Variants in TBL1XR1 observed in about 807,000 individuals in gnomAD.
The protein encoded by TBL1XR1 is F-box-like/WD repeat-containing protein TBL1XR1.
TBL1XR1 carries 5 observed loss-of-function variants against 66.9 expected under a neutral mutation model. That is an observed-to-expected ratio of 0.07 (90% CI 0.04 to 0.16). TBL1XR1 has a LOEUF of 0.16. TBL1XR1 is among the 10% of genes least tolerant of loss of function. The pLI is 1.00. For missense variants in TBL1XR1, 238 were observed against 623.2 expected (o/e 0.38, Z 6.58); for synonymous variants, 210 against 206.0 (o/e 1.02, Z -0.17).
intron 1 of TBL1XR1, chr3:177,136,227 CAGTCCAAA>C (rs890095799): frequency 6.6e-6 from 1 of 152,134 alleles, no homozygotes. Flanking sequence ...CTGTGAATCA[CAGTCCAAA>C]AGTCCAAAAG....
intron 15 of TBL1XR1, chr3:177,025,882 C>CTT: frequency 3.4e-6 from 1 of 295,154 alleles, no homozygotes; most frequent in Admixed American, 5.1e-5. Context: ...AATAGCTACC[C>CTT]TTTTCCCACC....
chr3:177,075,935 T>C (rs1193016815), intron 2 of TBL1XR1, among the ~76,000 whole-genome samples: 1 of 152,188 alleles, frequency 6.6e-6, no homozygotes, highest in African/African-American at 2.4e-5. Context: ...CCTAGCTTCC[T>C]TGGTGTCTTA....
intron 1 of TBL1XR1, among the ~76,000 whole-genome samples, chr3:177,135,334 TATA>T (rs1560214003): frequency 0.014 from 686 of 49,952 alleles, 54 homozygotes; most frequent in African/African-American, 0.046. Flanking sequence ...TGTGTGTGTG[TATA>T]CATATATATA....
rs1346937527 is a variant in TBL1XR1 at position 177,022,663 on chromosome 3, C to G, written c.*2835G>C. 6.6e-6 allele frequency: 1 copy of G among 152,420 alleles called. No individual in the cohort carries two copies. Among genetic ancestry groups the G allele is most frequent in the Non-Finnish European group, 1.5e-5 (1 of 67,938 alleles). The allele number at this position is 152,420 out of a possible 1,614,324, so 9.4% of individuals were successfully genotyped here. A position where few individuals can be genotyped will look rare whatever the true frequency, so the allele number is the denominator to read the frequency against. ...AAAACTACTGGATTCAATTGATCAT[C>G]AGGAATAAGTTCTCAGAAAAACACA... On this transcript the variant is annotated 3_prime_UTR_variant, in exon 16 of 16. Coordinates refer to ENST00000457928, the MANE Select transcript of TBL1XR1 (RefSeq NM_024665.7).
intron 14 of TBL1XR1, chr3:177,026,968 G>C (rs1713220545): frequency 1.3e-5 from 2 of 152,308 alleles, no homozygotes. Flanking sequence ...CTAAGCTAGG[G>C]GATTATAAAA....
chr3:177,181,332 T>C (rs1350122894), intron 1 of TBL1XR1, among the ~76,000 whole-genome samples: 2 of 151,768 alleles, frequency 1.3e-5, no homozygotes, highest in East Asian at 1.9e-4. Context: ...ATACAAAAAT[T>C]AGCCAGGTGT....
At chr3:177,163,991 C>T (rs1732525917) in intron 1 of TBL1XR1, 1 of 152,104 alleles carries the variant, frequency 6.6e-6, no homozygotes, top group South Asian at 2.1e-4. Context: ...AAATATATTC[C>T]CAATACGTTC....
chr3:177,099,821 AGTTATATAGGGCTACTT>A (rs1461802203), intron 1 of TBL1XR1, among the ~76,000 whole-genome samples: 2 of 152,280 alleles, frequency 1.3e-5, no homozygotes, highest in African/African-American at 4.8e-5. Context: ...TTTGAGCTAA[AGTTATATAGGGCTACTT>A]GTTATCTAAA....
chr3:177,129,817 C>G (rs775925537), intron 1 of TBL1XR1, among the ~76,000 whole-genome samples: 1 of 152,098 alleles, frequency 6.6e-6, no homozygotes, highest in Non-Finnish European at 1.5e-5. Flanking sequence ...TAACTACAAC[C>G]TCCATGAAGA....
intron 2 of TBL1XR1, among the ~76,000 whole-genome samples, chr3:177,094,981 A>T (rs1723281810): frequency 6.6e-6 from 1 of 151,172 alleles, no homozygotes; most frequent in Non-Finnish European, 1.5e-5. Context: ...ATAAAAAAAG[A>T]ATAAAAAAAT....
At chr3:177,164,848 A>G (rs1732638056) in intron 1 of TBL1XR1, among the ~76,000 whole-genome samples, 1 of 152,204 alleles carries the variant, frequency 6.6e-6, no homozygotes, top group Non-Finnish European at 1.5e-5. Flanking sequence ...ATTATGAACT[A>G]CAAGACTATG....
rs562142693 is a variant in TBL1XR1, at chr3:177,174,593, T to C, written c.-122+22528A>G. Reference sequence around the variant, plus strand: ...CTGTTCCCCAGAAAAAGAGGAGCAGTAGCAAGCCAGAAAGGAGACCCGGAT... The same window carrying C: ...CTGTTCCCCAGAAAAAGAGGAGCAGCAGCAAGCCAGAAAGGAGACCCGGAT... On this transcript the variant is annotated intron_variant, in intron 1 of 15. Transcript: ENST00000457928. 6.8e-4 allele frequency among the ~76,000 whole-genome samples: 103 copies of C among 152,200 alleles called. 1 individual carries two copies. The highest frequency in any genetic ancestry group is 2.4e-3 in the African/African-American group (98 of 41,538).
At chr3:177,201,022 T>G (rs1463921290), upstream of TBL1XR1, among the ~76,000 whole-genome samples, 2 of 150,588 alleles carry the variant, frequency 1.3e-5, no homozygotes, top group Non-Finnish European at 3.0e-5. Context: ...AAAAAAGTTC[T>G]CTCTTGAATT....
chr3:177,042,418 C>T (rs910190993), intron 10 of TBL1XR1, among the ~76,000 whole-genome samples: 6 of 152,054 alleles, frequency 3.9e-5, no homozygotes, highest in African/African-American at 7.2e-5. Flanking sequence ...AAAACAAACA[C>T]GCTATTAGGT....
chr3:177,069,325 G>A (rs1384304564), intron 2 of TBL1XR1, among the ~76,000 whole-genome samples: 1 of 152,072 alleles, frequency 6.6e-6, no homozygotes, highest in African/African-American at 2.4e-5. Flanking sequence ...CCAGGAATCA[G>A]GAAAAGGGAA....
intron 1 of TBL1XR1, among the ~76,000 whole-genome samples, chr3:177,100,875 TGAGACGGAGTCTC>T (rs1724120443): frequency 6.6e-6 from 1 of 150,644 alleles, no homozygotes; most frequent in Non-Finnish European, 1.5e-5. Flanking sequence ...TTTTTTTCTT[TGAGACGGAGTCTC>T]GCTGTTGCCC....
At chr3:177,114,916 T>G (rs1157997611) in intron 1 of TBL1XR1, among the ~76,000 whole-genome samples, 1 of 151,954 alleles carries the variant, frequency 6.6e-6, no homozygotes, top group Admixed American at 6.6e-5. Flanking sequence ...GAGTTTGAGG[T>G]TGCAGTGAGC....
At chr3:177,093,247 C>T (rs1197125467) in intron 2 of TBL1XR1, among the ~76,000 whole-genome samples, 1 of 152,104 alleles carries the variant, frequency 6.6e-6, no homozygotes, top group Non-Finnish European at 1.5e-5. Flanking sequence ...AAATAAAATA[C>T]TTAGGAATAT....
rs548583132 is a variant in TBL1XR1, at chr3:177,100,478, C to T, written c.-121-1937G>A. On this transcript the variant is annotated intron_variant, in intron 1 of 15. Coordinates refer to ENST00000457928, the MANE Select transcript of TBL1XR1 (RefSeq NM_024665.7). ...TCACTCTGTCACCCAGGCTGAAGTGCCATGGCACAATCTCAGCTCACTGCA... is the reference window on the plus strand; with the variant it reads ...TCACTCTGTCACCCAGGCTGAAGTGTCATGGCACAATCTCAGCTCACTGCA... 5.9e-5 allele frequency among the ~76,000 whole-genome samples: 9 copies of T among 151,708 alleles called. No individual in the cohort carries two copies. The South Asian group carries it at 1.9e-3, about 32-fold the overall frequency.
Sources: gnomAD v4.1 joint callset for allele counts (sites outside exome capture counted in the v4.1 genomes callset) on GRCh38, gnomAD v4.1.1 for gene constraint, MANE v1.5 for transcripts, NCBI Gene and HGNC (gene_info 2026-07-23, HGNC 2026-07-21) for gene names.